The following CRYBG1 variants were observed in gnomAD, a reference collection of about 807,000 sequenced individuals.
CRYBG1 encodes the protein beta/gamma crystallin domain-containing protein 1.
In CRYBG1, 139 loss-of-function variants were observed where a neutral mutation model predicts 189.2. That is an observed-to-expected ratio of 0.73 (90% confidence interval 0.64 to 0.85). CRYBG1 has a LOEUF of 0.85. CRYBG1 is among the 40% of genes least tolerant of loss of function. CRYBG1 has a pLI of 0.00. For synonymous variants in CRYBG1, 1,023 were observed against 1,017.1 expected, an observed-to-expected ratio of 1.01 and a Z score of -0.11; for missense variants, 2,611 against 2,675.8, an observed-to-expected ratio of 0.98 and a Z score of 0.53.
At position 106,527,317 on chromosome 6, in the gene CRYBG1, T is replaced by C. The variant is rs758248131; in HGVS notation, c.4425T>C (p.Tyr1475=). The C allele has an allele frequency of 5.6e-6, 9 of 1,611,294 alleles. No individual in the cohort carries two copies. The highest frequency in any genetic ancestry group is 7.6e-6 in the Non-Finnish European group (9 of 1,178,636). Reference sequence around the variant, plus strand: ...GTTTTATTGTTAGTTGGATTTTGTATGAGCAACCAAATTTTGAAGGGCACT... The same window carrying C: ...GTTTTATTGTTAGTTGGATTTTGTACGAGCAACCAAATTTTGAAGGGCACT... ...IKVVRGCWIL[Y]EQPNFEGHSI... Residue 1475 remains tyrosine, a synonymous_variant, in exon 7 of 22, where the codon TAT becomes TAC. Transcript: ENST00000633556.
intron 21 of CRYBG1, among the ~76,000 whole-genome samples, chr6:106,564,565 A>T (rs549165883): frequency 1.2e-4 from 18 of 152,192 alleles, no homozygotes; most frequent in African/African-American, 4.3e-4. Flanking sequence ...GTTAAAATAG[A>T]CTGTGGGGCC....
chr6:106,418,642 A>G (rs1335934094), intron 1 of CRYBG1, among the ~76,000 whole-genome samples: 4 of 152,258 alleles, frequency 2.6e-5, no homozygotes, highest in African/African-American at 7.2e-5. Context: ...ACTTAGGTTC[A>G]TAATTGTAGA....
At chr6:106,502,650 C>T (rs1056231702) in intron 2 of CRYBG1, among the ~76,000 whole-genome samples, 7 of 152,172 alleles carry the variant, frequency 4.6e-5, no homozygotes, top group African/African-American at 1.7e-4. Context: ...ATTCAAAGTA[C>T]AGGTAGAGAA....
chr6:106,361,515 A>G (rs1341025502), intron 1 of CRYBG1, among the ~76,000 whole-genome samples: 1 of 152,128 alleles, frequency 6.6e-6, no homozygotes, highest in Non-Finnish European at 1.5e-5. Flanking sequence ...CTGTGCTCTT[A>G]CAGATGTTAT....
chr6:106,406,162 A>G, intron 1 of CRYBG1, among the ~76,000 whole-genome samples: 1 of 152,178 alleles, frequency 6.6e-6, no homozygotes, highest in Non-Finnish European at 1.5e-5. Context: ...AACTAGAATA[A>G]CCAGTTAAGA....
chr6:106,403,539 C>T (rs973248624), intron 1 of CRYBG1, among the ~76,000 whole-genome samples: 8 of 152,184 alleles, frequency 5.3e-5, no homozygotes, highest in East Asian at 1.9e-4. Context: ...TTCTACAGTG[C>T]GGAGCACCAC....
At chr6:106,431,893 T>A (rs1381480619) in intron 1 of CRYBG1, among the ~76,000 whole-genome samples, 1 of 152,096 alleles carries the variant, frequency 6.6e-6, no homozygotes, top group Non-Finnish European at 1.5e-5. Flanking sequence ...GATATCGTCA[T>A]CAGATGCAAA....
chr6:106,388,582 A>G (rs1460717850), intron 1 of CRYBG1, among the ~76,000 whole-genome samples: 1 of 152,218 alleles, frequency 6.6e-6, no homozygotes, highest in Admixed American at 6.5e-5. Context: ...GGAGCCTCTT[A>G]AAAAGGGGAA....
intron 2 of CRYBG1, among the ~76,000 whole-genome samples, chr6:106,501,584 A>G (rs1485614756): frequency 2.0e-5 from 3 of 152,232 alleles, no homozygotes; most frequent in Non-Finnish European, 4.4e-5. Flanking sequence ...GCCAGCCATC[A>G]CTGTCATAGG....
At chr6:106,527,799 G>T (rs1008506646) in intron 7 of CRYBG1, among the ~76,000 whole-genome samples, 3 of 152,000 alleles carry the variant, frequency 2.0e-5, no homozygotes, top group Non-Finnish European at 4.4e-5. Context: ...GTTTTTGTTT[G>T]CTGTATGAGT....
At chr6:106,548,124 G>A (rs556805364) in intron 13 of CRYBG1, among the ~76,000 whole-genome samples, 10 of 152,088 alleles carry the variant, frequency 6.6e-5, no homozygotes, top group South Asian at 4.2e-4. Context: ...CCTTTCCCCC[G>A]TCTCCCCACC....
chr6:106,526,446 C>T (rs1024379873), intron 6 of CRYBG1, among the ~76,000 whole-genome samples: 9 of 152,190 alleles, frequency 5.9e-5, no homozygotes, highest in Admixed American at 5.9e-4. Context: ...CTTTTGTCGG[C>T]TTCTTTTTCT....
chr6:106,476,225 A>G (rs1419779197), intron 2 of CRYBG1, among the ~76,000 whole-genome samples: 4 of 152,156 alleles, frequency 2.6e-5, no homozygotes, highest in South Asian at 4.1e-4. Flanking sequence ...TAACAAGAAC[A>G]TGTTATTTTT....
At chr6:106,416,824 A>G (rs113272927) in intron 1 of CRYBG1, among the ~76,000 whole-genome samples, 2 of 152,298 alleles carry the variant, frequency 1.3e-5, no homozygotes, top group African/African-American at 4.8e-5. Flanking sequence ...AGAACAGTGT[A>G]TAGTCTAATC....
In CRYBG1 at chr6:106,421,146, G is replaced by A. The variant is rs560112712; in HGVS notation, c.174-30548G>A. On this transcript the variant is annotated intron_variant, in intron 1 of 21. Transcript: ENST00000633556. ...AGATCTGGAGTGCAGTGCACTTGAGGCCAAGGAAGGTGAACAGATGAGATG... is the reference window on the plus strand; with the variant it reads ...AGATCTGGAGTGCAGTGCACTTGAGACCAAGGAAGGTGAACAGATGAGATG... Among the ~76,000 whole-genome samples the A allele has an allele frequency of 2.0e-5, 3 of 152,292 alleles. No individual in the cohort carries two copies. The South Asian group carries it at 6.2e-4, about 32-fold the overall frequency.
chr6:106,488,623 G>A (rs1772645073), intron 2 of CRYBG1, among the ~76,000 whole-genome samples: 1 of 152,144 alleles, frequency 6.6e-6, no homozygotes, highest in Non-Finnish European at 1.5e-5. Flanking sequence ...CTCTGGTGGG[G>A]TGGGCTGACT....
At chr6:106,425,676 G>T (rs370466689) in intron 1 of CRYBG1, among the ~76,000 whole-genome samples, 3 of 152,158 alleles carry the variant, frequency 2.0e-5, no homozygotes, top group African/African-American at 7.2e-5. Context: ...TTGTCATTCA[G>T]GCTGGAGTGC....
At chr6:106,443,791 AT>A (rs1771608522) in intron 1 of CRYBG1, among the ~76,000 whole-genome samples, 1 of 152,172 alleles carries the variant, frequency 6.6e-6, no homozygotes, top group African/African-American at 2.4e-5. Flanking sequence ...ATACAGGCAT[AT>A]AATGTGTAAT....
At chr6:106,396,648 G>A (rs1023811559) in intron 1 of CRYBG1, among the ~76,000 whole-genome samples, 1 of 152,182 alleles carries the variant, frequency 6.6e-6, no homozygotes, top group African/African-American at 2.4e-5. Flanking sequence ...CTGAGGACCT[G>A]TTCTACCAGA....
Sources: allele counts gnomAD v4.1 joint callset (sites outside exome capture counted in the v4.1 genomes callset), GRCh38; gene constraint gnomAD v4.1.1; transcripts MANE v1.5; gene names NCBI Gene and HGNC (gene_info 2026-07-23, HGNC 2026-07-21).